The following CD44 variants were observed in gnomAD, a reference collection of about 807,000 sequenced individuals.
The protein encoded by CD44 is CD44 molecule (IN blood group).
A neutral mutation model predicts 88.8 loss-of-function variants in CD44; 49 were observed. The observed-to-expected ratio is 0.55, with a 90% CI of 0.44 to 0.70. The LOEUF is 0.70. Among genes scored for constraint, CD44 ranks in the 30% least tolerant of loss-of-function variants. CD44 has a pLI of 0.00. For synonymous variants in CD44, 325 were observed against 312.3 expected (o/e 1.04, Z -0.43); for missense variants, 883 against 913.8 (o/e 0.97, Z 0.43).
chr11:35,176,978 C>G (rs1378986126), intron 2 of CD44: 11 of 456,746 alleles, frequency 2.4e-5, no homozygotes, highest in Non-Finnish European at 4.3e-5. Flanking sequence ...TAGGGGTCCT[C>G]TCGGCTGGAA....
intron 1 of CD44, among the ~76,000 whole-genome samples, chr11:35,144,843 A>G (rs1220041637): frequency 6.6e-6 from 1 of 152,250 alleles, no homozygotes; most frequent in Non-Finnish European, 1.5e-5. Flanking sequence ...TGCTTTTTGC[A>G]TAAAGAAATT....
chr11:35,145,811 C>T (rs541056834), intron 1 of CD44, among the ~76,000 whole-genome samples: 3 of 152,216 alleles, frequency 2.0e-5, no homozygotes, highest in Non-Finnish European at 2.9e-5. Context: ...CCTTCTCTGT[C>T]GGTCTCTTTG....
chr11:35,212,390 C>T (rs2134214558), intron 14 of CD44, among the ~76,000 whole-genome samples: 1 of 150,750 alleles, frequency 6.6e-6, no homozygotes, highest in Non-Finnish European at 1.5e-5. Flanking sequence ...CATATGTGTG[C>T]ATATATATAT....
In CD44 at chr11:35,231,933, T is replaced by C. The variant is rs780364791; in HGVS notation, c.*2600T>C. The C allele has an allele frequency of 6.6e-6, 1 of 152,228 alleles. No homozygotes were observed. Among genetic ancestry groups the C allele is most frequent in the Non-Finnish European group, 1.5e-5 (1 of 68,034 alleles). 9.4% of individuals were successfully genotyped at this position (152,228 alleles called of 1,614,324 possible). ...GAAAAATCAAAAGAGACAAAAGACA[T>C]CTTCGAATCCATATTTCAAGCCTGG... On this transcript the variant is annotated 3_prime_UTR_variant, in exon 18 of 18. Transcript: ENST00000428726.
intron 1 of CD44, among the ~76,000 whole-genome samples, chr11:35,174,567 C>T (rs1375520653): frequency 1.3e-5 from 2 of 152,138 alleles, no homozygotes; most frequent in Admixed American, 1.3e-4. Context: ...CCTTTGAAGT[C>T]TTTTGAGATT....
rs191488370 is a variant in CD44 at position 35,199,899 on chromosome 11, T to C, written c.923-1183T>C. Among the ~76,000 whole-genome samples the C allele has an allele frequency of 1.8e-3, 274 of 151,028 alleles. 1 individual carries two copies. The highest frequency in any genetic ancestry group is 4.4e-3 in the South Asian group (21 of 4,776). ...CAGATCTACCTGTAAATGAATTGTA[T>C]GGTCAGGCTTCAGGGAAAAATTTCC... On this transcript the variant is annotated intron_variant, in intron 7 of 17. Transcript: ENST00000428726.
At position 35,229,904 on chromosome 11, in the gene CD44, GT is replaced by G. The variant is rs1416907910; in HGVS notation, c.*576del. ...TATCTGTAGTAAACTATTTATCTGT[GT>G]TTTTGAAATATTAAACCCTGGATCA... On this transcript the variant is annotated 3_prime_UTR_variant, in exon 18 of 18. Coordinates refer to ENST00000428726, the MANE Select transcript of CD44 (RefSeq NM_000610.4). The G allele has an allele frequency of 1.3e-5, 2 of 153,236 alleles. No individual in the cohort carries two copies. The highest frequency in any genetic ancestry group is 6.5e-5 in the Admixed American group (1 of 15,446). 9.5% of individuals were successfully genotyped at this position (153,236 alleles called of 1,614,324 possible).
intron 3 of CD44, among the ~76,000 whole-genome samples, chr11:35,181,964 T>TAA: frequency 1.9e-5 from 2 of 106,238 alleles, no homozygotes; most frequent in Non-Finnish European, 3.6e-5. Flanking sequence ...AAATTTTATA[T>TAA]ATATAAATAT....
At chr11:35,187,265 C>T (rs1262769907) in intron 4 of CD44, among the ~76,000 whole-genome samples, 1 of 151,744 alleles carries the variant, frequency 6.6e-6, no homozygotes, top group Non-Finnish European at 1.5e-5. Context: ...CAGAGTGAGA[C>T]TCCATTTCCA....
chr11:35,170,112 C>T (rs994831457), intron 1 of CD44, among the ~76,000 whole-genome samples: 55 of 152,268 alleles, frequency 3.6e-4, no homozygotes, highest in African/African-American at 1.3e-3. Context: ...TTTGACATAC[C>T]TTATTTCATG....
chr11:35,223,085 T>C, intron 17 of CD44: 1 of 985,264 alleles, frequency 1.0e-6, no homozygotes, highest in Non-Finnish European at 1.2e-6. Context: ...ACAGCTATGT[T>C]GCTATCTATA....
intron 17 of CD44, chr11:35,222,368 A>C: frequency 5.5e-6 from 7 of 1,263,022 alleles, no homozygotes; most frequent in Non-Finnish European, 7.3e-6. Flanking sequence ...TTTTCTGGGA[A>C]CTGTAGTTGA....
chr11:35,174,691 T>C (rs1301797389), intron 1 of CD44, among the ~76,000 whole-genome samples: 2 of 152,226 alleles, frequency 1.3e-5, no homozygotes, highest in African/African-American at 2.4e-5. Context: ...ACCCAACTGA[T>C]AGCAGTTAGG....
intron 11 of CD44, 100 bp from the exon 12 acceptor site, chr11:35,208,005 G>T: frequency 1.4e-6 from 1 of 713,434 alleles, no homozygotes; most frequent in Non-Finnish European, 2.6e-6. Flanking sequence ...TTTCCTCTTG[G>T]CCAGATGTGA....
chr11:35,153,630 C>T (rs1008360918), intron 1 of CD44, among the ~76,000 whole-genome samples: 7 of 152,192 alleles, frequency 4.6e-5, no homozygotes, highest in Admixed American at 6.5e-5. Flanking sequence ...GCATAGTCTC[C>T]TCTCTCCTGG....
chr11:35,202,758 C>G (rs973814130), intron 9 of CD44, among the ~76,000 whole-genome samples: 6 of 152,148 alleles, frequency 3.9e-5, no homozygotes, highest in Admixed American at 1.3e-4. Context: ...TCCAGCAGAT[C>G]TTACATCCCA....
In CD44 at chr11:35,231,250, C is replaced by T. The variant is rs934316734; in HGVS notation, c.*1917C>T. The T allele has an allele frequency of 6.6e-6, 1 of 152,402 alleles. No individual in the cohort carries two copies. The highest frequency in any genetic ancestry group is 2.4e-5 in the African/African-American group (1 of 41,428). 9.4% of individuals were successfully genotyped at this position (152,402 alleles called of 1,614,324 possible). On this transcript the variant is annotated 3_prime_UTR_variant, in exon 18 of 18. Transcript: ENST00000428726. Reference sequence around the variant, plus strand: ...GTTACTGCCACTAGTGTTCAAGTGCCTCTTGTTTTCCCAGAGATTTCCTGG... The same window carrying T: ...GTTACTGCCACTAGTGTTCAAGTGCTTCTTGTTTTCCCAGAGATTTCCTGG...
At chr11:35,199,918 A>C (rs1463903650) in intron 7 of CD44, among the ~76,000 whole-genome samples, 2 of 145,730 alleles carry the variant, frequency 1.4e-5, no homozygotes, top group African/African-American at 2.5e-5. Context: ...TTCAGGGAAA[A>C]ATTTCCCATG....
intron 10 of CD44, chr11:35,205,807 G>T (rs912878039): frequency 2.7e-5 from 28 of 1,022,558 alleles, no homozygotes; most frequent in Non-Finnish European, 2.6e-5. Context: ...GCATGGCATG[G>T]GTCAAGAAGT....
Sources: allele counts gnomAD v4.1 joint callset (sites outside exome capture counted in the v4.1 genomes callset), GRCh38; gene constraint gnomAD v4.1.1; transcripts MANE v1.5; gene names NCBI Gene and HGNC (gene_info 2026-07-23, HGNC 2026-07-21).